The following ANKFN1 variants were observed in gnomAD, a reference collection of about 807,000 sequenced individuals.
The protein encoded by ANKFN1 is ankyrin repeat and fibronectin type III domain containing 1, also known as ankyrin repeat and fibronectin type-III domain-containing protein 1.
ANKFN1 carries 74 observed loss-of-function variants against 108.7 expected under a neutral mutation model. The observed-to-expected ratio is 0.68, with a 90% CI of 0.56 to 0.83. The LOEUF is 0.83. Ranked by LOEUF, ANKFN1 falls within the 40% of genes least tolerant of loss-of-function variation. The pLI, the probability that ANKFN1 is intolerant of heterozygous loss-of-function variation, is 0.00. For missense variants in ANKFN1, 1,505 were observed against 1,382.3 expected, an observed-to-expected ratio of 1.09 and a Z score of -1.41; for synonymous variants, 547 against 516.2, an observed-to-expected ratio of 1.06 and a Z score of -0.81.
chr17:56,132,410 T>C (rs1907334229), intron 4 of ANKFN1, among the ~76,000 whole-genome samples: 1 of 152,102 alleles, frequency 6.6e-6, no homozygotes, highest in Non-Finnish European at 1.5e-5. Context: ...CTTGCAAATG[T>C]GAAGGCCCCA....
Position 56,170,263 on chromosome 17 carries a change from T to C in ANKFN1, c.-71+16733T>C, listed in dbSNP as rs541709631. On this transcript the variant is annotated intron_variant, in intron 1 of 20. Transcript: ENST00000682825. ...TCCAGGAGGAAGAAGGAAGGCTCCC[T>C]GCCCCTTCAGGGATACCTGCCCAGA... Among the ~76,000 whole-genome samples, 5 of 152,292 alleles carry C rather than the reference T, an allele frequency of 3.3e-5. No homozygotes were observed. The East Asian group carries it at 9.7e-4, about 29-fold the overall frequency.
intron 4 of ANKFN1, among the ~76,000 whole-genome samples, chr17:56,133,441 T>A (rs932853468): frequency 3.3e-5 from 5 of 152,124 alleles, no homozygotes; most frequent in African/African-American, 1.2e-4. Flanking sequence ...TTTCCTTTGT[T>A]CTGATGTGCT....
chr17:56,280,629 A>G (rs931844665), intron 3 of ANKFN1, among the ~76,000 whole-genome samples: 1 of 152,186 alleles, frequency 6.6e-6, no homozygotes, highest in African/African-American at 2.4e-5. Context: ...CCCATAATAA[A>G]TCTCCGATAT....
At chr17:56,268,557 A>G (rs746388025) in intron 3 of ANKFN1, among the ~76,000 whole-genome samples, 86 of 152,214 alleles carry the variant, frequency 5.6e-4, no homozygotes, top group Admixed American at 2.1e-3. Flanking sequence ...CAAGGCTGGC[A>G]GAAGAAAGGA....
At chr17:56,052,911 G>A (rs971564139) in intron 4 of ANKFN1, among the ~76,000 whole-genome samples, 3 of 152,162 alleles carry the variant, frequency 2.0e-5, no homozygotes, top group African/African-American at 7.2e-5. Flanking sequence ...ACCACAATTT[G>A]AGCCCAAACA....
intron 3 of ANKFN1, among the ~76,000 whole-genome samples, chr17:56,299,036 A>G (rs1373596994): frequency 6.6e-6 from 1 of 152,250 alleles, no homozygotes; most frequent in Non-Finnish European, 1.5e-5. Context: ...TATGTTGTGC[A>G]AAAACGTACA....
intron 2 of ANKFN1, among the ~76,000 whole-genome samples, chr17:56,218,850 C>A (rs1915633042): frequency 6.6e-6 from 1 of 152,210 alleles, no homozygotes; most frequent in African/African-American, 2.4e-5. Context: ...TCCAATGTTT[C>A]CCAAACTTAC....
At chr17:56,308,973 T>A (rs530859614) in intron 3 of ANKFN1, among the ~76,000 whole-genome samples, 107 of 152,352 alleles carry the variant, frequency 7.0e-4, no homozygotes, top group Non-Finnish European at 1.4e-3. Context: ...TATTTGCTAA[T>A]ATTGGTTAAT....
intron 8 of ANKFN1, among the ~76,000 whole-genome samples, chr17:56,398,238 A>G (rs2047645087): frequency 6.6e-6 from 1 of 152,216 alleles, no homozygotes; most frequent in East Asian, 1.9e-4. Flanking sequence ...TACATGATAC[A>G]TTATTGAATG....
intron 3 of ANKFN1, among the ~76,000 whole-genome samples, chr17:56,250,087 C>T (rs2144051294): frequency 6.6e-6 from 1 of 152,232 alleles, no homozygotes; most frequent in African/African-American, 2.4e-5. Flanking sequence ...GGAACAGAGG[C>T]CCATTTTCTC....
intron 8 of ANKFN1, among the ~76,000 whole-genome samples, chr17:56,439,485 C>T (rs1386897952): frequency 6.6e-6 from 1 of 152,072 alleles, no homozygotes. Flanking sequence ...TATGATATCA[C>T]AGTAAAATGG....
intron 7 of ANKFN1, 36 bp downstream of exon 7, chr17:56,372,876 A>C: frequency 1.3e-6 from 2 of 1,577,142 alleles, no homozygotes; most frequent in Non-Finnish European, 1.7e-6. Context: ...ATTTCACTAG[A>C]CTGAGCCTCA....
chr17:56,510,258 A>T (rs2051701269), intron 20 of ANKFN1, among the ~76,000 whole-genome samples: 1 of 152,178 alleles, frequency 6.6e-6, no homozygotes, highest in Non-Finnish European at 1.5e-5. Context: ...TTACGCTAAG[A>T]CCAGAGCCCA....
chr17:56,216,133 G>A (rs899013250), intron 2 of ANKFN1, among the ~76,000 whole-genome samples: 1 of 152,146 alleles, frequency 6.6e-6, no homozygotes, highest in Non-Finnish European at 1.5e-5. Flanking sequence ...TATGTATGAA[G>A]CCTTCATAAT....
At chr17:56,298,763 TAC>T (rs2044590443) in intron 3 of ANKFN1, among the ~76,000 whole-genome samples, 1 of 152,360 alleles carries the variant, frequency 6.6e-6, no homozygotes, top group South Asian at 2.1e-4. Flanking sequence ...ACACACAATG[TAC>T]AGTTTCTTTG....
At position 56,510,467 on chromosome 17, in the gene ANKFN1, T is replaced by C; in HGVS notation, c.2645-6T>C. On this transcript the variant is annotated splice_region_variant and splice_polypyrimidine_tract_variant and intron_variant, in intron 20 of 20. Coordinates refer to ENST00000682825, the MANE Select transcript of ANKFN1 (RefSeq NM_001370326.1). ...TTTTTCCTAACCTCAGTTTCTGGCT[T>C]CGCAGATTCACAGCCCTGCTCTGAT... is the stretch of plus-strand genomic sequence containing the variant. The C allele has an allele frequency of 6.5e-7, 1 of 1,533,806 alleles. No individual in the cohort carries two copies. Among genetic ancestry groups the C allele is most frequent in the Non-Finnish European group, 8.7e-7 (1 of 1,146,150 alleles).
rs921833547 is a variant in ANKFN1, at chr17:56,091,181, GA to G, written c.288+44857del. ...AGAGAATGGTAGAACGTGAAAGAGA[GA>G]TATAAAGTCCTATACCAACCCAGCA... is the stretch of plus-strand genomic sequence containing the variant. On this transcript the variant is annotated intron_variant, in intron 4 of 12. Coordinates refer to the ANKFN1 transcript ENST00000635860. 3.9e-4 allele frequency among the ~76,000 whole-genome samples: 59 copies of G among 150,888 alleles called. 2 individuals are homozygous for G. Among genetic ancestry groups the G allele is most frequent in the African/African-American group, 1.4e-3 (58 of 41,148 alleles).
chr17:56,174,913 C>G (rs772916915), intron 1 of ANKFN1, among the ~76,000 whole-genome samples: 1 of 152,112 alleles, frequency 6.6e-6, no homozygotes, highest in African/African-American at 2.4e-5. Flanking sequence ...CTAAAAGATA[C>G]ATAAGCTTAA....
intron 20 of ANKFN1, among the ~76,000 whole-genome samples, chr17:56,502,167 C>T (rs1175612567): frequency 4.6e-5 from 7 of 152,166 alleles, no homozygotes; most frequent in African/African-American, 7.2e-5. Flanking sequence ...ATTTCTATTT[C>T]CACCTTCGCA....
Sources: gnomAD v4.1 joint callset for allele counts (sites outside exome capture counted in the v4.1 genomes callset) on GRCh38, gnomAD v4.1.1 for gene constraint, MANE v1.5 for transcripts, NCBI Gene and HGNC (gene_info 2026-07-23, HGNC 2026-07-21) for gene names.